The following MCM4 variants were observed in gnomAD, a reference collection of about 807,000 sequenced individuals.
The protein encoded by MCM4 is DNA replication licensing factor MCM4.
MCM4 carries 60 observed loss-of-function variants against 88.7 expected under a neutral mutation model. The observed-to-expected ratio is 0.68, with a 90% CI of 0.55 to 0.84. The LOEUF is 0.84. Ranked by LOEUF, MCM4 falls within the 40% of genes least tolerant of loss-of-function variation. The probability of loss-of-function intolerance (pLI) is 0.00; values close to 1 mark genes in which losing one functional copy is unlikely to be tolerated. For synonymous variants in MCM4, 465 were observed against 410.5 expected (o/e 1.13, Z -1.61); for missense variants, 1,149 against 1,105.5 (o/e 1.04, Z -0.56).
chr8:47,962,505 C>T (rs1325808964), intron 5 of MCM4, 99 bp downstream of exon 5: 1 of 1,230,106 alleles, frequency 8.1e-7, no homozygotes, highest in Non-Finnish European at 1.2e-6. Flanking sequence ...CTAGAAGGGC[C>T]ACCTGTGGTG....
At chr8:47,975,936 TAATA>T (rs2090997183) in intron 16 of MCM4, 88 bp downstream of exon 16, 1 of 855,186 alleles carries the variant, frequency 1.2e-6, no homozygotes, top group Non-Finnish European at 1.6e-6. Context: ...ATTTATTAAA[TAATA>T]AATATAGAGA....
Position 47,968,338 on chromosome 8 carries a change from A to G in MCM4, c.1174+853A>G, listed in dbSNP as rs543316372. Among the ~76,000 whole-genome samples, 6 of 152,312 alleles carry G rather than the reference A, an allele frequency of 3.9e-5. No individual in the cohort carries two copies. The East Asian group carries it at 9.6e-4, about 24-fold the overall frequency. Reference sequence around the variant, plus strand: ...TGAAGTCCCGCAGTTATCACTGGCAATCTTCCGTCGTAAAAGTACTTGAAG... The same window carrying G: ...TGAAGTCCCGCAGTTATCACTGGCAGTCTTCCGTCGTAAAAGTACTTGAAG... On this transcript the variant is annotated intron_variant, in intron 10 of 16. Transcript: ENST00000649973.
intron 10 of MCM4, 147 bp from the exon 11 acceptor site, chr8:47,969,651 A>T (rs1403234823): frequency 1.6e-5 from 11 of 707,442 alleles, no homozygotes; most frequent in African/African-American, 1.1e-4. Flanking sequence ...TGGGAGGGTC[A>T]TTTAAGAGAC....
intron 5 of MCM4, 51 bp from the exon 6 acceptor site, chr8:47,962,713 T>C (rs371817962): frequency 7.6e-5 from 77 of 1,017,020 alleles, no homozygotes; most frequent in Non-Finnish European, 1.0e-4. Context: ...TTTTAGTAGT[T>C]GCCTGTTCCC....
At chr8:47,970,919 A>G (rs1394303620) in intron 12 of MCM4, 43 bp downstream of exon 12, 4 of 1,538,024 alleles carry the variant, frequency 2.6e-6, no homozygotes, top group Non-Finnish European at 3.5e-6. Flanking sequence ...TGTTTAAAAT[A>G]TGTGGACCCT....
chr8:47,970,468 CTG>C (rs770544519), intron 11 of MCM4, 41 bp from the exon 12 acceptor site: 260 of 1,548,966 alleles, frequency 1.7e-4, no homozygotes, highest in Non-Finnish European at 2.0e-4. Flanking sequence ...TCTCAGTTAA[CTG>C]TGCAGAAAAT....
At chr8:47,973,531 C>T (rs1166555665) in intron 14 of MCM4, among the ~76,000 whole-genome samples, 2 of 148,768 alleles carry the variant, frequency 1.3e-5, no homozygotes, top group Non-Finnish European at 3.0e-5. Flanking sequence ...CTCGCTGTGT[C>T]CCCCAGGCTG....
At position 47,970,651 on chromosome 8, in the gene MCM4, C is replaced by T; in HGVS notation, c.1575C>T (p.Asn525=). 8 of 1,614,192 alleles carry T rather than the reference C, an allele frequency of 5.0e-6. No homozygotes were observed. The highest frequency in any genetic ancestry group is 5.1e-6 in the Non-Finnish European group (6 of 1,180,044). ...CCCAGCTGCTGCAGTACGTGTACAA[C>T]CTCGTCCCCAGGGGCCAGTACACGT... ...SKSQLLQYVY[N]LVPRGQYTSG... is the part of the protein sequence containing the mutation. The change falls in exon 12 of 17, where the codon AAC becomes AAT. Residue 525 remains asparagine (N), a synonymous_variant. Transcript: ENST00000649973.
At chr8:47,974,562 CG>C (rs2154505451) in intron 14 of MCM4, 171 bp from the exon 15 acceptor site, 1 of 625,426 alleles carries the variant, frequency 1.6e-6, no homozygotes, top group East Asian at 2.6e-5. Flanking sequence ...TCTTCACCTG[CG>C]ATTTCTGTGG....
intron 8 of MCM4, among the ~76,000 whole-genome samples, chr8:47,965,258 G>A (rs774214679): frequency 6.6e-6 from 1 of 151,920 alleles, no homozygotes; most frequent in Non-Finnish European, 1.5e-5. Context: ...AGGATCACTT[G>A]AGGCCAGGAG....
Position 47,968,050 on chromosome 8 carries a change from A to G in MCM4, c.1174+565A>G, listed in dbSNP as rs559309291. Among the ~76,000 whole-genome samples, 4 of 152,346 alleles carry G rather than the reference A, an allele frequency of 2.6e-5. No individual in the cohort carries two copies. In the South Asian group the frequency reaches 8.3e-4, roughly 32 times the overall value. ...CACGGTAAATCAGAACCCAGGACCC[A>G]GGTCTCCTTCTCTTGCTGCCACAAG... is the stretch of plus-strand genomic sequence containing the variant. On this transcript the variant is annotated intron_variant, in intron 10 of 16. Transcript: ENST00000649973.
At chr8:47,963,085 G>T (rs376543085) in intron 7 of MCM4, 45 bp downstream of exon 7, 1 of 1,095,718 alleles carries the variant, frequency 9.1e-7, no homozygotes, top group Non-Finnish European at 1.4e-6. Context: ...TAACAGTCTA[G>T]AAAGAATGTT....
rs1024883439 is a variant in MCM4 at position 47,977,569 on chromosome 8, C to A, written c.*791C>A. 6.6e-6 allele frequency: 1 copy of A among 152,182 alleles called. No homozygotes were observed. The highest frequency in any genetic ancestry group is 1.5e-5 in the Non-Finnish European group (1 of 68,074). 9.4% of individuals were successfully genotyped at this position (152,182 alleles called of 1,614,324 possible). A position where few individuals can be genotyped will look rare whatever the true frequency, so the allele number is the denominator to read the frequency against. ...TGGCTAGAGTACACTGGTACAATCACGGCTCAATGTAGGCTTAACCTCCTG... is the reference window on the plus strand; with the variant it reads ...TGGCTAGAGTACACTGGTACAATCAAGGCTCAATGTAGGCTTAACCTCCTG... On this transcript the variant is annotated 3_prime_UTR_variant, in exon 17 of 17. Transcript: ENST00000649973.
intron 14 of MCM4, among the ~76,000 whole-genome samples, chr8:47,973,456 G>A (rs553314889): frequency 1.5e-4 from 23 of 151,746 alleles, no homozygotes; most frequent in Admixed American, 2.6e-4. Flanking sequence ...GATTGCAGGC[G>A]CAAGCCACCA....
At position 47,966,471 on chromosome 8, in the gene MCM4, A is replaced by G. The variant is rs987968507; in HGVS notation, c.1053+64A>G. On this transcript the variant is annotated intron_variant, in intron 9 of 16. Coordinates refer to ENST00000649973, the MANE Select transcript of MCM4 (RefSeq NM_182746.3). ...TGTCTGTATCCTCAAAAGGCCAACT[A>G]TAACTTGTCCCTCGGACCCTGAGCC... is the stretch of plus-strand genomic sequence containing the variant. The G allele has an allele frequency of 1.3e-5, 19 of 1,463,838 alleles. No homozygotes were observed. In the African/African-American group the frequency reaches 1.5e-4, roughly 12 times the overall value. The allele number at this position is 1,463,838 out of a possible 1,614,324, so 90.7% of individuals were successfully genotyped here.
At chr8:47,975,659 G>A (rs1192612408) in intron 15 of MCM4, 56 bp from the exon 16 acceptor site, 2 of 1,365,502 alleles carry the variant, frequency 1.5e-6, no homozygotes, top group Non-Finnish European at 2.0e-6. Context: ...TTGAGAATTT[G>A]AAGCATTTCA....
chr8:47,976,483 T>C (rs1262551049), intron 16 of MCM4, among the ~76,000 whole-genome samples: 3 of 152,150 alleles, frequency 2.0e-5, no homozygotes, highest in Non-Finnish European at 4.4e-5. Flanking sequence ...AGTTGATAGT[T>C]ACAACGTGGA....
At chr8:47,961,477 A>G (rs777556554) in intron 2 of MCM4, 39 bp from the exon 3 acceptor site, 30 of 1,612,826 alleles carry the variant, frequency 1.9e-5, no homozygotes, top group Non-Finnish European at 2.5e-5. Context: ...GCCGGCCCTG[A>G]AAGTTAATGG....
At position 47,975,600 on chromosome 8, in the gene MCM4, C is replaced by T. The variant is rs1223276129; in HGVS notation, c.2366-115C>T. The stretch of plus-strand genomic sequence containing the variant: ...AAAACTCATTCCCTTCAAATGTACT[C>T]AGCCCCTGTCGCCTTATCTTTCTAG... On this transcript the variant is annotated intron_variant, in intron 15 of 16. Coordinates refer to ENST00000649973, the MANE Select transcript of MCM4 (RefSeq NM_182746.3). 4.5e-6 allele frequency: 3 copies of T among 667,920 alleles called. No homozygotes were observed. The African/African-American group carries it at 5.7e-5, about 13-fold the overall frequency. The allele number at this position is 667,920 out of a possible 1,614,324, so 41.4% of individuals were successfully genotyped here.
Sources: gnomAD v4.1 joint callset for allele counts (sites outside exome capture counted in the v4.1 genomes callset) on GRCh38, gnomAD v4.1.1 for gene constraint, MANE v1.5 for transcripts, NCBI Gene and HGNC (gene_info 2026-07-23, HGNC 2026-07-21) for gene names.